MGMT: variants seen among roughly 807,000 people sequenced by gnomAD.
MGMT encodes the protein O-6-methylguanine-DNA methyltransferase.
Under a neutral mutation model 15.9 loss-of-function variants are expected in MGMT, and 14 were observed. The observed-to-expected ratio is 0.88, with a 90% CI of 0.58 to 1.37. The LOEUF (loss-of-function observed/expected upper bound fraction) is 1.37. MGMT is among the 40% of genes most tolerant of loss of function. MGMT has a pLI of 0.00. For missense variants in MGMT, 282 were observed against 268.1 expected, an observed-to-expected ratio of 1.05 and a Z score of -0.36; for synonymous variants, 130 against 118.2, an observed-to-expected ratio of 1.10 and a Z score of -0.65.
chr10:129,575,060 A>G (rs1312087083), intron 2 of MGMT, among the ~76,000 whole-genome samples: 2 of 151,968 alleles, frequency 1.3e-5, no homozygotes, highest in Non-Finnish European at 2.9e-5. Context: ...TGAATAGAAG[A>G]TTAGTCTCCC....
chr10:129,525,805 T>C (rs35004777), intron 1 of MGMT, among the ~76,000 whole-genome samples: 37,893 of 151,902 alleles, frequency 0.25, 5,653 homozygotes, highest in African/African-American at 0.43. Context: ...ATCTCCCCCT[T>C]CGTGTTTGCA....
At chr10:129,657,726 C>CACACACAT (rs1315574993) in intron 2 of MGMT, among the ~76,000 whole-genome samples, 3 of 141,252 alleles carry the variant, frequency 2.1e-5, no homozygotes, top group Non-Finnish European at 4.8e-5. Flanking sequence ...CACACACACA[C>CACACACAT]ACCCCCTCTC....
intron 2 of MGMT, among the ~76,000 whole-genome samples, chr10:129,676,587 C>G (rs1188474529): frequency 6.6e-6 from 1 of 152,206 alleles, no homozygotes; most frequent in Non-Finnish European, 1.5e-5. Context: ...ATGGAGCCTG[C>G]AGCTGGAAGA....
At chr10:129,636,772 A>T (rs943911478) in intron 2 of MGMT, among the ~76,000 whole-genome samples, 3 of 152,254 alleles carry the variant, frequency 2.0e-5, no homozygotes, top group African/African-American at 7.2e-5. Context: ...GAAAATGTTT[A>T]AAAAAGTATG....
At chr10:129,722,627 TAGAAC>T (rs1848384670) in intron 3 of MGMT, among the ~76,000 whole-genome samples, 1 of 152,186 alleles carries the variant, frequency 6.6e-6, no homozygotes, top group Admixed American at 6.5e-5. Context: ...GATCAAAACT[TAGAAC>T]AGTGCAACAG....
chr10:129,624,649 T>A (rs548773403), intron 2 of MGMT, among the ~76,000 whole-genome samples: 4 of 152,140 alleles, frequency 2.6e-5, no homozygotes, highest in Admixed American at 6.5e-5. Flanking sequence ...AAAGGATGAA[T>A]AACAGGTGAG....
chr10:129,693,826 C>G (rs1384946437), intron 2 of MGMT: 1 of 152,264 alleles, frequency 6.6e-6, no homozygotes, highest in Non-Finnish European at 1.5e-5. Flanking sequence ...TCACTTGAAC[C>G]CGAGAGGTGG....
chr10:129,556,069 C>T lies in MGMT; in HGVS notation c.125+19692C>T, dbSNP rs945880088. 5.3e-5 allele frequency among the ~76,000 whole-genome samples: 8 copies of T among 152,184 alleles called. No homozygotes were observed. The highest frequency in any genetic ancestry group is 1.2e-4 in the Non-Finnish European group (8 of 68,046). On this transcript the variant is annotated intron_variant, in intron 2 of 4. Coordinates refer to ENST00000651593, the MANE Select transcript of MGMT (RefSeq NM_002412.5). The surrounding 1 kb of genome is among the most constrained non-coding windows in gnomAD (Gnocchi z 4.3). ...TGTGGGCTTCCAAGTGGTTTTGTGT[C>T]TCCTCAGTTTACAGAGTCCATGTTT...
At chr10:129,493,993 T>C (rs1211009515) in intron 1 of MGMT, among the ~76,000 whole-genome samples, 3 of 152,240 alleles carry the variant, frequency 2.0e-5, no homozygotes, top group Admixed American at 1.3e-4. Flanking sequence ...TTTAATATCA[T>C]TTTTGGAGAT....
intron 1 of MGMT, among the ~76,000 whole-genome samples, chr10:129,514,783 G>A (rs1443137590): frequency 5.3e-5 from 8 of 152,208 alleles, no homozygotes; most frequent in African/African-American, 1.4e-4. Context: ...ATCTGCCGGC[G>A]CCTTGGTCTT....
intron 2 of MGMT, among the ~76,000 whole-genome samples, chr10:129,655,559 G>A (rs940374450): frequency 1.3e-5 from 2 of 152,152 alleles, no homozygotes; most frequent in South Asian, 2.1e-4. Context: ...GAGAGCTCTC[G>A]TGGCTTCTGT....
intron 2 of MGMT, among the ~76,000 whole-genome samples, chr10:129,549,570 A>G (rs565910695): frequency 7.2e-5 from 11 of 152,336 alleles, no homozygotes; most frequent in African/African-American, 2.6e-4. Flanking sequence ...TAACATGTCA[A>G]TAGGAGTTTT....
intron 1 of MGMT, among the ~76,000 whole-genome samples, chr10:129,483,682 A>G (rs893643704): frequency 2.6e-5 from 4 of 151,600 alleles, no homozygotes; most frequent in Admixed American, 2.0e-4. Flanking sequence ...CTGGCCACTA[A>G]GGTTTTCTCT....
In MGMT at chr10:129,533,770, G is replaced by A. The variant is rs1845957247; in HGVS notation, c.-12-2471G>A. The stretch of plus-strand genomic sequence containing the variant: ...CCCTGAGCAGAGCTGCCAGCATCCT[G>A]CCTGAGAAGCAGTGGCCCGGGATGG... On this transcript the variant is annotated intron_variant, in intron 1 of 4. Coordinates refer to ENST00000651593, the MANE Select transcript of MGMT (RefSeq NM_002412.5). The surrounding 1 kb of genome is among the most constrained non-coding windows in gnomAD (Gnocchi z 4.5). Among the ~76,000 whole-genome samples, 2 of 152,200 alleles carry A rather than the reference G, an allele frequency of 1.3e-5. No homozygotes were observed. Among genetic ancestry groups the A allele is most frequent in the Admixed American group, 1.3e-4 (2 of 15,280 alleles).
chr10:129,613,053 C>G (rs1846980555), intron 2 of MGMT, among the ~76,000 whole-genome samples: 1 of 152,146 alleles, frequency 6.6e-6, no homozygotes, highest in Non-Finnish European at 1.5e-5. Flanking sequence ...AACATTATTT[C>G]CATTATTCAT....
intron 3 of MGMT, among the ~76,000 whole-genome samples, chr10:129,710,500 T>C (rs538753373): frequency 6.6e-6 from 1 of 152,302 alleles, no homozygotes; most frequent in African/African-American, 2.4e-5. Flanking sequence ...CACCACAGCA[T>C]GTGTAAGCCA....
intron 3 of MGMT, among the ~76,000 whole-genome samples, chr10:129,712,230 GC>G (rs1405337421): frequency 1.3e-5 from 2 of 152,196 alleles, no homozygotes; most frequent in African/African-American, 2.4e-5. Flanking sequence ...AGGCCTTGGG[GC>G]TGCCCACGCG....
At chr10:129,765,539 AG>A (rs1269548250) in intron 4 of MGMT, among the ~76,000 whole-genome samples, 1 of 152,160 alleles carries the variant, frequency 6.6e-6, no homozygotes, top group Non-Finnish European at 1.5e-5. Flanking sequence ...TAGCTTTATT[AG>A]GGTAAAAGCG....
intron 1 of MGMT, among the ~76,000 whole-genome samples, chr10:129,530,620 A>T (rs976848982): frequency 1.2e-4 from 19 of 152,256 alleles, no homozygotes; most frequent in African/African-American, 4.1e-4. Flanking sequence ...TTGGTTCTGG[A>T]CCAGTCTTGA....
Sources: allele counts gnomAD v4.1 joint callset (sites outside exome capture counted in the v4.1 genomes callset), GRCh38; gene constraint gnomAD v4.1.1; non-coding constraint Gnocchi (gnomAD v3.1); transcripts MANE v1.5; gene names NCBI Gene and HGNC (gene_info 2026-07-23, HGNC 2026-07-21).